MAGI2: variants seen among roughly 807,000 people sequenced by gnomAD.
MAGI2 encodes the protein membrane-associated guanylate kinase, WW and PDZ domain-containing protein 2.
A neutral mutation model predicts 133.3 loss-of-function variants in MAGI2; 35 were observed. The ratio of observed to expected loss-of-function variants is 0.26; its 90% CI spans 0.20 to 0.35. The LOEUF (loss-of-function observed/expected upper bound fraction) is 0.35, where lower values mean the gene tolerates loss of function less well. Among genes scored for constraint, MAGI2 ranks in the 10% least tolerant of loss-of-function variants. The pLI is 1.00. For synonymous variants in MAGI2, 729 were observed against 710.6 expected (o/e 1.03, Z -0.41); for missense variants, 1,636 against 1,863.4 (o/e 0.88, Z 2.25).
intron 2 of MAGI2, among the ~76,000 whole-genome samples, chr7:78,953,881 T>C (rs1016069877): frequency 6.6e-6 from 1 of 152,138 alleles, no homozygotes; most frequent in African/African-American, 2.4e-5. Context: ...TTAAACACAA[T>C]CATGAAAGTA....
At chr7:78,659,424 CAAAAAAAA>C (rs71085553) in intron 2 of MAGI2, among the ~76,000 whole-genome samples, 10 of 23,676 alleles carry the variant, frequency 4.2e-4, no homozygotes, top group East Asian at 1.5e-3. Context: ...GACTTCATCT[CAAAAAAAA>C]AAAAAAAAAA....
At chr7:79,028,277 G>GTGTGTA (rs1810172673) in intron 1 of MAGI2, among the ~76,000 whole-genome samples, 1 of 30,144 alleles carries the variant, frequency 3.3e-5, no homozygotes, top group African/African-American at 1.2e-4. Context: ...ATGTATGTAT[G>GTGTGTA]TATATATATA....
intron 2 of MAGI2, among the ~76,000 whole-genome samples, chr7:78,734,130 T>A (rs4730480): frequency 0.52 from 79,493 of 151,992 alleles, 21,128 homozygotes; most frequent in Non-Finnish European, 0.56. Context: ...TCAGATGCAA[T>A]AAGACAAAGA....
At chr7:79,068,787 T>C (rs13246639) in intron 1 of MAGI2, among the ~76,000 whole-genome samples, 1 of 152,334 alleles carries the variant, frequency 6.6e-6, no homozygotes, top group African/African-American at 2.4e-5. Context: ...TGGTACGTTG[T>C]GTCTTTGTTT....
Position 78,142,986 on chromosome 7 carries a change from G to A in MAGI2, c.2846-7780C>T, listed in dbSNP as rs117260588. 9.0e-4 allele frequency among the ~76,000 whole-genome samples: 137 copies of A among 152,154 alleles called. 2 individuals are homozygous for A. In the East Asian group the frequency reaches 0.024, roughly 26 times the overall value. On this transcript the variant is annotated intron_variant, in intron 16 of 21. Coordinates refer to ENST00000354212, the MANE Select transcript of MAGI2 (RefSeq NM_012301.4). ...TCTGAATGTCAGGATGGAAAATCTGGTCCCACTAAGCCAAATAAATATTAA... is the reference window on the plus strand; with the variant it reads ...TCTGAATGTCAGGATGGAAAATCTGATCCCACTAAGCCAAATAAATATTAA...
At chr7:78,396,403 G>A (rs1285998698) in intron 6 of MAGI2, among the ~76,000 whole-genome samples, 2 of 152,004 alleles carry the variant, frequency 1.3e-5, no homozygotes, top group African/African-American at 4.8e-5. Context: ...TTCTCTGAAT[G>A]TGTCAAGTCC....
chr7:78,574,693 T>G (rs1802082049), intron 3 of MAGI2, among the ~76,000 whole-genome samples: 1 of 152,180 alleles, frequency 6.6e-6, no homozygotes, highest in Non-Finnish European at 1.5e-5. Context: ...CTAGTCCAAT[T>G]TGAATTCTTC....
At chr7:78,952,651 A>G (rs1182830100) in intron 2 of MAGI2, among the ~76,000 whole-genome samples, 1 of 152,144 alleles carries the variant, frequency 6.6e-6, no homozygotes, top group Non-Finnish European at 1.5e-5. Flanking sequence ...ATATGTAACT[A>G]TGAAGAAAAG....
intron 2 of MAGI2, among the ~76,000 whole-genome samples, chr7:78,819,727 T>A (rs1789924637): frequency 1.3e-5 from 2 of 152,032 alleles, no homozygotes; most frequent in African/African-American, 4.8e-5. Flanking sequence ...GTCTCTATCA[T>A]AAAGATCTTA....
chr7:78,292,348 A>G (rs1232165612), intron 9 of MAGI2, among the ~76,000 whole-genome samples: 4 of 152,208 alleles, frequency 2.6e-5, no homozygotes, highest in Non-Finnish European at 4.4e-5. Flanking sequence ...TTCAAAGAGA[A>G]TAAAATACCT....
At chr7:79,156,317 A>C (rs964459561) in intron 1 of MAGI2, among the ~76,000 whole-genome samples, 1 of 152,120 alleles carries the variant, frequency 6.6e-6, no homozygotes, top group African/African-American at 2.4e-5. Flanking sequence ...GAAAATTTGC[A>C]TCTGTAAAGA....
intron 1 of MAGI2, among the ~76,000 whole-genome samples, chr7:79,235,451 G>C (rs997498959): frequency 1.3e-5 from 2 of 152,160 alleles, no homozygotes; most frequent in East Asian, 1.9e-4. Flanking sequence ...GCGAGACTCC[G>C]TGGGCATAGG....
At chr7:79,286,105 G>C (rs1203265854) in intron 1 of MAGI2, among the ~76,000 whole-genome samples, 1 of 152,010 alleles carries the variant, frequency 6.6e-6, no homozygotes, top group Non-Finnish European at 1.5e-5. Flanking sequence ...GTAAGGAAAG[G>C]CTTCTAGAAG....
In MAGI2 at chr7:78,337,544, C is replaced by G. The variant is rs113127809; in HGVS notation, c.1408+6234G>C. Among the ~76,000 whole-genome samples the G allele has an allele frequency of 6.2e-3, 941 of 152,294 alleles. 10 individuals carry two copies. The highest frequency in any genetic ancestry group is 0.021 in the African/African-American group (883 of 41,562). ...TCTTTTTGCCTAAATTAGAGATCAC[C>G]TAGAGCTGGAGAAGTTGATTAAAAT... On this transcript the variant is annotated intron_variant, in intron 9 of 21. Transcript: ENST00000354212.
intron 2 of MAGI2, among the ~76,000 whole-genome samples, chr7:78,932,149 C>T (rs549046269): frequency 5.3e-5 from 8 of 152,122 alleles, no homozygotes; most frequent in South Asian, 2.1e-4. Context: ...AATAAAATGA[C>T]AGTGTGCAGG....
chr7:79,175,660 T>C (rs1423927724), intron 1 of MAGI2, among the ~76,000 whole-genome samples: 2 of 152,060 alleles, frequency 1.3e-5, no homozygotes, highest in South Asian at 2.1e-4. Context: ...TGTAGCCTAC[T>C]ACATACCTAG....
At chr7:78,765,343 CTTTTT>C (rs10672746) in intron 2 of MAGI2, among the ~76,000 whole-genome samples, 1 of 89,056 alleles carries the variant, frequency 1.1e-5, no homozygotes, top group African/African-American at 4.7e-5. Context: ...TAGTGCACAT[CTTTTT>C]TTTTTTTTTT....
intron 10 of MAGI2, among the ~76,000 whole-genome samples, chr7:78,222,508 T>C (rs1187423837): frequency 2.0e-5 from 3 of 152,146 alleles, no homozygotes; most frequent in Non-Finnish European, 4.4e-5. Flanking sequence ...AACTGCAGAT[T>C]TAGAGATGAA....
At chr7:78,964,688 G>T (rs931012491) in intron 2 of MAGI2, among the ~76,000 whole-genome samples, 1 of 151,892 alleles carries the variant, frequency 6.6e-6, no homozygotes, top group Non-Finnish European at 1.5e-5. Context: ...TTAGTATCTT[G>T]TTGATCACTT....
Sources: gnomAD v4.1 joint callset for allele counts (sites outside exome capture counted in the v4.1 genomes callset) on GRCh38, gnomAD v4.1.1 for gene constraint, MANE v1.5 for transcripts, NCBI Gene and HGNC (gene_info 2026-07-23, HGNC 2026-07-21) for gene names.